IQCH: variants seen among roughly 807,000 people sequenced by gnomAD.
IQCH encodes IQ motif containing H.
In IQCH, 98 loss-of-function variants were observed where a neutral mutation model predicts 117.0. The ratio of observed to expected loss-of-function variants is 0.84; its 90% CI spans 0.71 to 0.99. IQCH has a LOEUF of 0.99. Among genes scored for constraint, IQCH ranks in the 50% least tolerant of loss-of-function variants. The probability of loss-of-function intolerance (pLI) is 0.00; values close to 1 mark genes in which losing one functional copy is unlikely to be tolerated. For missense variants in IQCH, 1,102 were observed against 1,243.8 expected, an observed-to-expected ratio of 0.89 and a Z score of 1.72; for synonymous variants, 412 against 448.2, an observed-to-expected ratio of 0.92 and a Z score of 1.02.
intron 4 of IQCH, among the ~76,000 whole-genome samples, chr15:67,335,532 G>T (rs1016101777): frequency 8.5e-5 from 13 of 152,196 alleles, no homozygotes; most frequent in African/African-American, 3.1e-4. Context: ...GTACATGCCT[G>T]CTAGAGCACA....
intron 16 of IQCH, among the ~76,000 whole-genome samples, chr15:67,421,954 C>A (rs983601493): frequency 6.6e-6 from 1 of 152,134 alleles, no homozygotes; most frequent in Non-Finnish European, 1.5e-5. Flanking sequence ...CAAAAATTAG[C>A]TGGGCCTGGT....
intron 16 of IQCH, among the ~76,000 whole-genome samples, chr15:67,440,847 A>G (rs1253342981): frequency 6.6e-6 from 1 of 152,106 alleles, no homozygotes; most frequent in Non-Finnish European, 1.5e-5. Flanking sequence ...CTTTAACAGT[A>G]CTGGAAGTCC....
intron 18 of IQCH, among the ~76,000 whole-genome samples, chr15:67,478,318 G>C (rs1362564115): frequency 2.0e-5 from 3 of 152,208 alleles, no homozygotes; most frequent in Admixed American, 2.0e-4. Context: ...CTAGGAGGCA[G>C]AGGTTGCAGT....
At chr15:67,498,145 A>G (rs1438980550) in intron 20 of IQCH, among the ~76,000 whole-genome samples, 1 of 152,244 alleles carries the variant, frequency 6.6e-6, no homozygotes, top group East Asian at 1.9e-4. Flanking sequence ...TGGTACTGGC[A>G]TAAGAATAGA....
intron 4 of IQCH, among the ~76,000 whole-genome samples, chr15:67,280,085 GAGTAA>G (rs1832316112): frequency 6.6e-6 from 1 of 152,180 alleles, no homozygotes; most frequent in Non-Finnish European, 1.5e-5. Flanking sequence ...CTTTTTAAAA[GAGTAA>G]AGTAAGAAAT....
chr15:67,323,437 T>A (rs1164213652), intron 4 of IQCH, among the ~76,000 whole-genome samples: 1 of 151,782 alleles, frequency 6.6e-6, no homozygotes, highest in Non-Finnish European at 1.5e-5. Flanking sequence ...GAAGACGGGG[T>A]TTCACCGTGT....
intron 10 of IQCH, among the ~76,000 whole-genome samples, chr15:67,378,944 A>G (rs995451572): frequency 2.0e-5 from 3 of 152,222 alleles, no homozygotes; most frequent in African/African-American, 7.2e-5. Flanking sequence ...TATATCTGTC[A>G]TTATTAACTG....
intron 4 of IQCH, among the ~76,000 whole-genome samples, chr15:67,309,124 T>C (rs973030338): frequency 6.6e-6 from 1 of 152,108 alleles, no homozygotes; most frequent in African/African-American, 2.4e-5. Flanking sequence ...AATAAAAGTA[T>C]CTATCTCATA....
chr15:67,400,187 A>G lies in IQCH; in HGVS notation c.1979A>G (p.Glu660Gly). Reference protein sequence around the residue: ...IQRWLFKMDSEFRGNGTAFCD... With the variant: ...IQRWLFKMDSGFRGNGTAFCD... ...CGTTGGCTCTTTAAAATGGACTCTG[A>G]GTTCCGAGGAAATGGGACTGCATTT... is the stretch of plus-strand genomic sequence containing the variant. The change falls in exon 14 of 21, where the codon GAG (glutamate) becomes GGG (glycine). Residue 660 changes from glutamate (E) to glycine (G), a missense_variant. Glu to Gly is a moderately conservative substitution (Grantham distance 98). This residue lies in a region of IQCH where 650 missense variants were observed against 794.3 expected (regional missense o/e 0.82). Transcript: ENST00000335894. The G allele has an allele frequency of 6.2e-7, 1 of 1,613,846 alleles. No individual in the cohort carries two copies. The highest frequency in any genetic ancestry group is 8.5e-7 in the Non-Finnish European group (1 of 1,179,812).
chr15:67,477,929 T>G (rs1466217393), intron 18 of IQCH, among the ~76,000 whole-genome samples: 1 of 152,200 alleles, frequency 6.6e-6, no homozygotes, highest in Non-Finnish European at 1.5e-5. Flanking sequence ...AGCACCAAAC[T>G]TTATAAGTTA....
At chr15:67,269,753 T>TACTTG (rs146208646) in intron 3 of IQCH, among the ~76,000 whole-genome samples, 151,738 of 151,988 alleles carry the variant, frequency 1, 75,744 homozygotes, top group Non-Finnish European at 1. Flanking sequence ...TGTCTTTCTG[T>TACTTG]ACTTATTTCA....
intron 4 of IQCH, among the ~76,000 whole-genome samples, chr15:67,325,507 T>A (rs1968365730): frequency 6.6e-6 from 1 of 152,098 alleles, no homozygotes; most frequent in Non-Finnish European, 1.5e-5. Context: ...GATAACAATA[T>A]AACTATTATC....
At chr15:67,283,158 G>C (rs971868) in intron 4 of IQCH, among the ~76,000 whole-genome samples, 43,609 of 152,012 alleles carry the variant, frequency 0.29, 6,356 homozygotes, top group South Asian at 0.37. Context: ...ATACATGCTT[G>C]TTGTTGTGAC....
intron 4 of IQCH, among the ~76,000 whole-genome samples, chr15:67,335,197 G>A (rs563501052): frequency 3.9e-5 from 6 of 152,290 alleles, no homozygotes; most frequent in Admixed American, 3.9e-4. Context: ...TGTGCTGATT[G>A]CCTGACAGAG....
At chr15:67,333,302 G>A (rs560246691) in intron 4 of IQCH, among the ~76,000 whole-genome samples, 3 of 152,300 alleles carry the variant, frequency 2.0e-5, no homozygotes, top group East Asian at 1.9e-4. Flanking sequence ...TCTGAACAGA[G>A]CCTTCATGCC....
At chr15:67,428,934 A>T (rs72747403) in intron 16 of IQCH, among the ~76,000 whole-genome samples, 21,088 of 151,872 alleles carry the variant, frequency 0.14, 1,523 homozygotes, top group East Asian at 0.21. Context: ...GCCTTGAACA[A>T]GGAGGAAGGG....
chr15:67,412,369 A>G (rs1361353129), intron 14 of IQCH, among the ~76,000 whole-genome samples: 2 of 152,104 alleles, frequency 1.3e-5, no homozygotes, highest in Non-Finnish European at 2.9e-5. Flanking sequence ...AGCAAAAAAA[A>G]CTTCCTAACT....
At chr15:67,357,927 C>T (rs987662449) in intron 7 of IQCH, among the ~76,000 whole-genome samples, 14 of 151,952 alleles carry the variant, frequency 9.2e-5, no homozygotes, top group Admixed American at 8.5e-4. Context: ...TGCACTATGT[C>T]GACTCACTGC....
In IQCH at chr15:67,447,401, T is replaced by C. The variant is rs1419251796; in HGVS notation, c.2506-17726T>C. On this transcript the variant is annotated intron_variant, in intron 16 of 20. Transcript: ENST00000335894. This position sits in a 1 kb window ranked among gnomAD's most constrained non-coding sequence, Gnocchi z 5.3. Reference sequence around the variant, plus strand: ...TGAATCTTTCCTACAAACACGAGTCTGTAGGAAACAGTGGCAAAGTCATGG... The same window carrying C: ...TGAATCTTTCCTACAAACACGAGTCCGTAGGAAACAGTGGCAAAGTCATGG... Among the ~76,000 whole-genome samples, 1 of 152,194 alleles carries C rather than the reference T, an allele frequency of 6.6e-6. No homozygotes were observed. The highest frequency in any genetic ancestry group is 1.5e-5 in the Non-Finnish European group (1 of 68,028).
Sources: gnomAD v4.1 joint callset for allele counts (sites outside exome capture counted in the v4.1 genomes callset) on GRCh38, gnomAD v4.1.1 for gene constraint, gnomAD v4.1.1 regional missense constraint, Gnocchi (gnomAD v3.1) non-coding constraint, MANE v1.5 for transcripts, NCBI Gene and HGNC (gene_info 2026-07-23, HGNC 2026-07-21) for gene names.